The following CTNNA3 variants were observed in gnomAD, a reference collection of about 807,000 sequenced individuals.
CTNNA3 encodes the protein catenin alpha-3.
In CTNNA3, 76 loss-of-function variants were observed where a neutral mutation model predicts 95.7. That is an observed-to-expected ratio of 0.79 (90% CI 0.66 to 0.96). The LOEUF is 0.96. Among genes scored for constraint, CTNNA3 ranks in the 40% least tolerant of loss-of-function variants. CTNNA3 has a pLI of 0.00. For synonymous variants in CTNNA3, 431 were observed against 374.4 expected (o/e 1.15, Z -1.74); for missense variants, 1,191 against 1,089.8 (o/e 1.09, Z -1.31).
chr10:66,399,807 T>A (rs1428480662), intron 11 of CTNNA3, among the ~76,000 whole-genome samples: 2 of 152,028 alleles, frequency 1.3e-5, no homozygotes, highest in Non-Finnish European at 2.9e-5. Flanking sequence ...TCTTTAAGTG[T>A]TAATTTTTAT....
chr10:66,617,561 C>CA (rs1413420023), intron 10 of CTNNA3, among the ~76,000 whole-genome samples: 1 of 152,036 alleles, frequency 6.6e-6, no homozygotes, highest in Non-Finnish European at 1.5e-5. Context: ...GGACGTATCT[C>CA]AAAATAATAA....
chr10:65,982,067 C>A (rs4105581), intron 16 of CTNNA3, among the ~76,000 whole-genome samples: 117,748 of 151,334 alleles, frequency 0.78, 46,086 homozygotes, highest in Non-Finnish European at 0.84. Flanking sequence ...GAAAACCCAC[C>A]GAATGGGAGA....
intron 7 of CTNNA3, among the ~76,000 whole-genome samples, chr10:66,994,783 T>C (rs1851237708): frequency 6.6e-6 from 1 of 152,232 alleles, no homozygotes; most frequent in Non-Finnish European, 1.5e-5. Context: ...GTATATCTAA[T>C]AATTATTGTG....
chr10:66,122,629 GT>G (rs1411521510), intron 13 of CTNNA3, among the ~76,000 whole-genome samples: 1 of 152,168 alleles, frequency 6.6e-6, no homozygotes, highest in Non-Finnish European at 1.5e-5. Flanking sequence ...CAGAAACCAT[GT>G]GTAAACCATT....
intron 2 of CTNNA3, among the ~76,000 whole-genome samples, chr10:67,622,122 G>A (rs1319876586): frequency 6.6e-6 from 1 of 152,184 alleles, no homozygotes; most frequent in East Asian, 1.9e-4. Context: ...TCTATGAAGG[G>A]TAGAGTCAGA....
At chr10:67,288,495 T>C (rs1448063653) in intron 5 of CTNNA3, among the ~76,000 whole-genome samples, 1 of 152,226 alleles carries the variant, frequency 6.6e-6, no homozygotes, top group African/African-American at 2.4e-5. Flanking sequence ...AATGAATTTG[T>C]ACTGCATATT....
intron 12 of CTNNA3, among the ~76,000 whole-genome samples, chr10:66,350,973 C>A (rs993053227): frequency 1.3e-5 from 2 of 152,000 alleles, no homozygotes; most frequent in Non-Finnish European, 2.9e-5. Context: ...AACAGCCATA[C>A]TTTAGTGATT....
rs2092276855 is a variant in CTNNA3, at chr10:66,327,989, A to G, written c.1733-47368T>C. On this transcript the variant is annotated intron_variant, in intron 12 of 17. Transcript: ENST00000433211. The stretch of plus-strand genomic sequence containing the variant: ...AACATGGAAAAGAAAATTATTTCCC[A>G]TGAGGGAATGTCAATAATGGGAATC... 2.0e-5 allele frequency among the ~76,000 whole-genome samples: 3 copies of G among 152,124 alleles called. No homozygotes were observed. The South Asian group carries it at 6.2e-4, about 32-fold the overall frequency.
intron 2 of CTNNA3, among the ~76,000 whole-genome samples, chr10:67,620,903 A>ATT (rs1347015432): frequency 7.9e-6 from 1 of 126,360 alleles, no homozygotes; most frequent in Non-Finnish European, 1.6e-5. Context: ...ATATATGTAT[A>ATT]TGTGTGTGTG....
chr10:66,864,745 T>C (rs954172356), intron 7 of CTNNA3, among the ~76,000 whole-genome samples: 4 of 152,172 alleles, frequency 2.6e-5, no homozygotes, highest in African/African-American at 9.6e-5. Flanking sequence ...ACTCAAATTC[T>C]GTTATAGAGT....
rs182247886 is a variant in CTNNA3 at position 66,765,162 on chromosome 10, A to G, written c.1281+1102T>C. Among the ~76,000 whole-genome samples, 13 of 152,324 alleles carry G rather than the reference A, an allele frequency of 8.5e-5. No homozygotes were observed. In the East Asian group the frequency reaches 2.1e-3, roughly 25 times the overall value. On this transcript the variant is annotated intron_variant, in intron 9 of 17. Transcript: ENST00000433211. ...TAGTTCTGGAGATTGAGATCCAGAA[A>G]GAGAGTTTATAGCGCAAATGCTAGC... is the stretch of plus-strand genomic sequence containing the variant.
At chr10:67,488,013 A>G (rs1455849343) in intron 5 of CTNNA3, among the ~76,000 whole-genome samples, 2 of 152,192 alleles carry the variant, frequency 1.3e-5, no homozygotes, top group African/African-American at 2.4e-5. Flanking sequence ...ACTGTCTAAC[A>G]ATTTAATAGG....
intron 12 of CTNNA3, among the ~76,000 whole-genome samples, chr10:66,323,796 A>T (rs953632855): frequency 6.6e-6 from 1 of 151,974 alleles, no homozygotes; most frequent in East Asian, 1.9e-4. Context: ...CCATGTCCCT[A>T]TCCTGTATCC....
intron 1 of CTNNA3, among the ~76,000 whole-genome samples, chr10:67,758,471 A>G (rs1201580587): frequency 6.6e-6 from 1 of 152,062 alleles, no homozygotes; most frequent in Non-Finnish European, 1.5e-5. Flanking sequence ...AAAAGGAATG[A>G]CAGTATCTTG....
At chr10:67,228,728 A>G (rs1178092236) in intron 5 of CTNNA3, among the ~76,000 whole-genome samples, 2 of 152,216 alleles carry the variant, frequency 1.3e-5, no homozygotes, top group African/African-American at 4.8e-5. Flanking sequence ...CCTAGAAAAG[A>G]TGGATAAATT....
chr10:66,448,911 A>G (rs1469206421), intron 11 of CTNNA3, among the ~76,000 whole-genome samples: 1 of 152,076 alleles, frequency 6.6e-6, no homozygotes, highest in Non-Finnish European at 1.5e-5. Context: ...CTGCTTTTAT[A>G]TTCCTCATAT....
intron 11 of CTNNA3, 100 bp downstream of exon 11, chr10:66,520,517 G>A: frequency 1.9e-6 from 2 of 1,067,404 alleles, no homozygotes; most frequent in Middle Eastern, 2.7e-4. Flanking sequence ...TTCCCAAAGT[G>A]TTGGCATTAC....
chr10:66,291,778 G>A (rs2091684573), intron 12 of CTNNA3, among the ~76,000 whole-genome samples: 1 of 151,310 alleles, frequency 6.6e-6, no homozygotes, highest in Admixed American at 6.6e-5. Context: ...ATATATGTAT[G>A]TGTATGTGTG....
intron 1 of CTNNA3, among the ~76,000 whole-genome samples, chr10:67,658,950 CA>C (rs1379129085): frequency 6.6e-6 from 1 of 151,992 alleles, no homozygotes; most frequent in African/African-American, 2.4e-5. Context: ...GAAAAATGAT[CA>C]AATTGAGCCT....
Sources: gnomAD v4.1 joint callset for allele counts (sites outside exome capture counted in the v4.1 genomes callset) on GRCh38, gnomAD v4.1.1 for gene constraint, MANE v1.5 for transcripts, NCBI Gene and HGNC (gene_info 2026-07-23, HGNC 2026-07-21) for gene names.